Variants in MARCHF1 observed in about 807,000 individuals in gnomAD.
MARCHF1 encodes the protein membrane associated ring-CH-type finger 1, also known as E3 ubiquitin-protein ligase MARCHF1.
A neutral mutation model predicts 54.2 loss-of-function variants in MARCHF1; 40 were observed. That is an observed-to-expected ratio of 0.74 (90% CI 0.57 to 0.96). The LOEUF (loss-of-function observed/expected upper bound fraction) is 0.96, where lower values mean the gene tolerates loss of function less well. Among genes scored for constraint, MARCHF1 ranks in the 40% least tolerant of loss-of-function variants. The pLI is 0.00. For missense variants in MARCHF1, 586 were observed against 656.5 expected (o/e 0.89, Z 1.17); for synonymous variants, 236 against 236.3 (o/e 1.00, Z 0.01).
chr4:164,176,970 CTCTCTCTCTCTATATATATAT>C (rs1730694449), intron 1 of MARCHF1, among the ~76,000 whole-genome samples: 1 of 57,444 alleles, frequency 1.7e-5, no homozygotes, highest in African/African-American at 8.0e-5. Context: ...CTCTCTCTCT[CTCTCTCTCTCTATATATATAT>C]ATATATATAT....
chr4:163,801,767 A>G (rs1010388974), intron 4 of MARCHF1, among the ~76,000 whole-genome samples: 2 of 152,248 alleles, frequency 1.3e-5, no homozygotes, highest in Non-Finnish European at 2.9e-5. Flanking sequence ...TACAAATAGA[A>G]TAACAATAAA....
intron 4 of MARCHF1, among the ~76,000 whole-genome samples, chr4:163,766,518 G>C (rs1041167792): frequency 2.6e-5 from 4 of 152,118 alleles, no homozygotes; most frequent in African/African-American, 9.7e-5. Flanking sequence ...CAATATATTT[G>C]CACAGACTCT....
chr4:163,710,184 C>A (rs1745066204), intron 4 of MARCHF1, among the ~76,000 whole-genome samples: 1 of 152,110 alleles, frequency 6.6e-6, no homozygotes, highest in Non-Finnish European at 1.5e-5. Flanking sequence ...CCCCTTAGGA[C>A]TTTTCCCTAA....
chr4:163,994,740 TACACACACACACACACACACACAC>T (rs576243307), intron 2 of MARCHF1, among the ~76,000 whole-genome samples: 6 of 119,178 alleles, frequency 5.0e-5, no homozygotes, highest in Non-Finnish European at 7.1e-5. Flanking sequence ...CAAGCACACA[TACACACACACACACACACACACAC>T]ACACACACAC....
At chr4:163,965,481 TGGGC>T (rs891600948) in intron 3 of MARCHF1, among the ~76,000 whole-genome samples, 15 of 152,146 alleles carry the variant, frequency 9.9e-5, no homozygotes, top group African/African-American at 3.6e-4. Context: ...GATTTCAACT[TGGGC>T]AGTTCAGAGT....
At chr4:163,737,213 A>AT (rs1309941157) in intron 4 of MARCHF1, among the ~76,000 whole-genome samples, 28 of 14,456 alleles carry the variant, frequency 1.9e-3, no homozygotes, top group Non-Finnish European at 4.5e-3. Context: ...TATTTTTTTT[A>AT]ATTTTTTTTT....
intron 2 of MARCHF1, among the ~76,000 whole-genome samples, chr4:164,044,339 T>C (rs1459305727): frequency 6.6e-6 from 1 of 152,082 alleles, no homozygotes; most frequent in Non-Finnish European, 1.5e-5. Flanking sequence ...TTACAAATCA[T>C]GGCAGAAGGG....
At chr4:163,579,273 A>G (rs1246347436) in intron 8 of MARCHF1, among the ~76,000 whole-genome samples, 7 of 152,232 alleles carry the variant, frequency 4.6e-5, no homozygotes, top group Non-Finnish European at 8.8e-5. Flanking sequence ...TGAAATATCA[A>G]TTGTACTTCT....
At chr4:163,922,028 A>G (rs1751442066) in intron 3 of MARCHF1, among the ~76,000 whole-genome samples, 1 of 152,226 alleles carries the variant, frequency 6.6e-6, no homozygotes, top group South Asian at 2.1e-4. Context: ...ACCATTAAAT[A>G]CTATGGAGCC....
intron 1 of MARCHF1, among the ~76,000 whole-genome samples, chr4:164,225,373 G>C (rs1327004380): frequency 6.6e-6 from 1 of 151,938 alleles, no homozygotes; most frequent in African/African-American, 2.4e-5. Flanking sequence ...ATTTCTATTT[G>C]CCCATGATGT....
chr4:163,958,672 T>G (rs1752279819), intron 3 of MARCHF1, among the ~76,000 whole-genome samples: 1 of 152,006 alleles, frequency 6.6e-6, no homozygotes, highest in Admixed American at 6.6e-5. Flanking sequence ...TTTTCTTACT[T>G]GATTTTTTTT....
intron 7 of MARCHF1, among the ~76,000 whole-genome samples, chr4:163,600,499 T>C (rs943991105): frequency 3.3e-5 from 5 of 152,018 alleles, no homozygotes; most frequent in Non-Finnish European, 7.4e-5. Context: ...ACTGGTGGAG[T>C]TTTGAGACTG....
At chr4:163,806,395 GCCA>G (rs1023772932) in intron 4 of MARCHF1, among the ~76,000 whole-genome samples, 1 of 152,162 alleles carries the variant, frequency 6.6e-6, no homozygotes, top group Non-Finnish European at 1.5e-5. Flanking sequence ...TCATCTCAGT[GCCA>G]ATCCCTTTCT....
chr4:164,106,090 G>T (rs1755690503), intron 2 of MARCHF1, among the ~76,000 whole-genome samples: 1 of 151,416 alleles, frequency 6.6e-6, no homozygotes, highest in South Asian at 2.1e-4. Flanking sequence ...CAGTTAGAAT[G>T]GCGATCATTA....
chr4:164,076,258 T>G (rs1229529465), intron 2 of MARCHF1, among the ~76,000 whole-genome samples: 1 of 152,014 alleles, frequency 6.6e-6, no homozygotes, highest in African/African-American at 2.4e-5. Flanking sequence ...AAAATTAAAG[T>G]GCATAAGAAG....
At chr4:163,707,417 T>C (rs1374975342) in intron 4 of MARCHF1, among the ~76,000 whole-genome samples, 2 of 151,618 alleles carry the variant, frequency 1.3e-5, no homozygotes, top group Non-Finnish European at 2.9e-5. Context: ...GAAACAGAAA[T>C]TCACAAAAAA....
chr4:163,978,141 C>A (rs540894060), intron 3 of MARCHF1, among the ~76,000 whole-genome samples: 13 of 152,282 alleles, frequency 8.5e-5, no homozygotes, highest in Non-Finnish European at 1.8e-4. Context: ...TTAGATTTCA[C>A]TTATCTAAGG....
intron 4 of MARCHF1, among the ~76,000 whole-genome samples, chr4:163,727,011 G>A (rs1202168953): frequency 6.6e-6 from 1 of 152,134 alleles, no homozygotes; most frequent in African/African-American, 2.4e-5. Context: ...TTTCTCCCAG[G>A]TTGTGACCTG....
intron 1 of MARCHF1, among the ~76,000 whole-genome samples, chr4:164,291,590 C>A (rs2111368031): frequency 6.6e-6 from 1 of 152,106 alleles, no homozygotes; most frequent in East Asian, 1.9e-4. Flanking sequence ...TGCACTTCCA[C>A]AAACCTGGAT....
Sources: gnomAD v4.1 joint callset for allele counts (sites outside exome capture counted in the v4.1 genomes callset) on GRCh38, gnomAD v4.1.1 for gene constraint, MANE v1.5 for transcripts, NCBI Gene and HGNC (gene_info 2026-07-23, HGNC 2026-07-21) for gene names.